ANKRD45: variants seen among roughly 807,000 people sequenced by gnomAD.
ANKRD45 encodes ankyrin repeat domain 45.
Under a neutral mutation model 28.1 loss-of-function variants are expected in ANKRD45, and 21 were observed. The ratio of observed to expected loss-of-function variants is 0.75; its 90% CI spans 0.53 to 1.08. The LOEUF (loss-of-function observed/expected upper bound fraction) is 1.08, where lower values mean the gene tolerates loss of function less well. Ranked by LOEUF, ANKRD45 falls within the 50% of genes least tolerant of loss-of-function variation. The pLI, the probability that ANKRD45 is intolerant of heterozygous loss-of-function variation, is 0.00. For synonymous variants in ANKRD45, 86 were observed against 103.9 expected (o/e 0.83, Z 1.05); for missense variants, 261 against 308.7 (o/e 0.85, Z 1.16).
At chr1:173,699,883 C>G in the ANKRD45 span, among the ~76,000 whole-genome samples, 1 of 152,114 alleles carries the variant, frequency 6.6e-6, no homozygotes, top group African/African-American at 2.4e-5. Flanking sequence ...GTCAAATTGT[C>G]CCTGTTTGCA....
chr1:173,655,953 G>T (rs1359591319), intron 2 of ANKRD45, among the ~76,000 whole-genome samples: 1 of 152,206 alleles, frequency 6.6e-6, no homozygotes, highest in Non-Finnish European at 1.5e-5. Flanking sequence ...TGCTAAGACT[G>T]TTGTAAAAGC....
chr1:173,613,569 C>A (rs1311218160), intron 5 of ANKRD45, among the ~76,000 whole-genome samples: 33 of 130,640 alleles, frequency 2.5e-4, no homozygotes, highest in Non-Finnish European at 3.9e-4. Context: ...TCAGCCCCCC[C>A]CCCGGCCAGC....
In ANKRD45 at chr1:173,646,966, A is replaced by C. The variant is rs1668961932; in HGVS notation, c.376T>G (p.Leu126Val). 1 of 1,614,126 alleles carries C rather than the reference A, an allele frequency of 6.2e-7. No homozygotes were observed. Among genetic ancestry groups the C allele is most frequent in the East Asian group, 2.2e-5 (1 of 44,876 alleles). ...ACATCCAGTTCTACCAGTGCTTTCA[A>C]AGTTTCCAAACGACCCCAGGCTGCA... Reference protein sequence around the residue: ...CAAAWGRLETLKALVELDVDI... With the variant: ...CAAAWGRLETVKALVELDVDI... The change falls in exon 3 of 6, where the codon TTG becomes GTG. Residue 126 changes from leucine (L) to valine (V), a missense_variant. Leu to Val is a conservative substitution (Grantham distance 32). Coordinates refer to ENST00000333279, the MANE Select transcript of ANKRD45 (RefSeq NM_198493.3).
intron 3 of ANKRD45, among the ~76,000 whole-genome samples, chr1:173,630,427 A>G (rs1012635509): frequency 6.6e-6 from 1 of 152,204 alleles, no homozygotes; most frequent in Non-Finnish European, 1.5e-5. Context: ...GAATGAAGTT[A>G]AAGTGTAGCT....
At chr1:173,642,561 T>C (rs1668748070) in intron 3 of ANKRD45, among the ~76,000 whole-genome samples, 1 of 152,258 alleles carries the variant, frequency 6.6e-6, no homozygotes, top group Non-Finnish European at 1.5e-5. Flanking sequence ...AGACCTGTGC[T>C]AATATTCTTA....
At chr1:173,700,124 G>T in the ANKRD45 span, among the ~76,000 whole-genome samples, 1 of 152,122 alleles carries the variant, frequency 6.6e-6, no homozygotes, top group African/African-American at 2.4e-5. Context: ...GGAATGTGAA[G>T]GACCTCTTCA....
chr1:173,634,731 A>T (rs2102337919), intron 3 of ANKRD45, among the ~76,000 whole-genome samples: 1 of 152,014 alleles, frequency 6.6e-6, no homozygotes, highest in East Asian at 1.9e-4. Flanking sequence ...TTTATAATAA[A>T]ATCAGAATCA....
chr1:173,647,126 G>A, intron 2 of ANKRD45, 113 bp from the exon 3 acceptor site: 1 of 1,016,012 alleles, frequency 9.8e-7, no homozygotes. Context: ...TGTGGGCCAG[G>A]CACTATTCTA....
intron 3 of ANKRD45, among the ~76,000 whole-genome samples, chr1:173,629,840 G>T (rs1322561779): frequency 6.6e-6 from 1 of 152,042 alleles, no homozygotes; most frequent in African/African-American, 2.4e-5. Flanking sequence ...AGCAGTTTTA[G>T]CCCAAAGAAG....
the ANKRD45 span, among the ~76,000 whole-genome samples, chr1:173,699,299 A>G: frequency 3.2e-3 from 492 of 152,244 alleles, 5 homozygotes; most frequent in African/African-American, 0.011. Flanking sequence ...AGAAAAAGAG[A>G]GAATCCTCCC....
intron 3 of ANKRD45, among the ~76,000 whole-genome samples, chr1:173,642,030 G>T (rs1164617704): frequency 6.6e-6 from 1 of 152,198 alleles, no homozygotes; most frequent in Non-Finnish European, 1.5e-5. Context: ...GGAGGTGTTT[G>T]CATAATGATT....
chr1:173,622,804 A>C (rs1260905574), intron 5 of ANKRD45, among the ~76,000 whole-genome samples: 1 of 152,206 alleles, frequency 6.6e-6, no homozygotes, highest in African/African-American at 2.4e-5. Context: ...AAAATTGACA[A>C]ATAGGATCTA....
intron 1 of ANKRD45, 60 bp from the exon 2 acceptor site, chr1:173,659,493 A>G (rs1269346279): frequency 1.4e-6 from 2 of 1,403,630 alleles, no homozygotes; most frequent in Admixed American, 4.9e-5. Context: ...GTATTTGTTT[A>G]TTTATTTGCT....
At chr1:173,691,026 C>A in the ANKRD45 span, among the ~76,000 whole-genome samples, 20 of 152,326 alleles carry the variant, frequency 1.3e-4, no homozygotes, top group South Asian at 8.3e-4. Context: ...TCAATCCCCC[C>A]CAGTGGGGAT....
intron 5 of ANKRD45, among the ~76,000 whole-genome samples, chr1:173,613,942 T>G (rs577352688): frequency 2.0e-5 from 3 of 152,388 alleles, no homozygotes; most frequent in African/African-American, 7.2e-5. Context: ...TTCTTCTGCC[T>G]TGGGATGCTT....
upstream of ANKRD45, among the ~76,000 whole-genome samples, chr1:173,670,801 C>T (rs1202662827): frequency 6.6e-6 from 1 of 152,222 alleles, no homozygotes; most frequent in Non-Finnish European, 1.5e-5. Flanking sequence ...ACATCTGAAA[C>T]TGGTTATCAG....
chr1:173,636,456 T>C (rs1179095778), intron 3 of ANKRD45, among the ~76,000 whole-genome samples: 1 of 152,212 alleles, frequency 6.6e-6, no homozygotes, highest in Non-Finnish European at 1.5e-5. Flanking sequence ...TAGATATTTA[T>C]AAATGTTTTC....
chr1:173,710,923 T>G, the ANKRD45 span, among the ~76,000 whole-genome samples: 9,284 of 152,066 alleles, frequency 0.061, 1,004 homozygotes, highest in African/African-American at 0.21. Context: ...GAGGATCACT[T>G]GAGCCCAGGA....
the ANKRD45 span, among the ~76,000 whole-genome samples, chr1:173,693,449 C>T: frequency 6.6e-6 from 1 of 152,172 alleles, no homozygotes; most frequent in Non-Finnish European, 1.5e-5. Flanking sequence ...GATAAATATG[C>T]ATGCATATTC....
Sources: gnomAD v4.1 joint callset for allele counts (sites outside exome capture counted in the v4.1 genomes callset) on GRCh38, gnomAD v4.1.1 for gene constraint, MANE v1.5 for transcripts, NCBI Gene and HGNC (gene_info 2026-07-23, HGNC 2026-07-21) for gene names.